ATR: variants seen among roughly 807,000 people sequenced by gnomAD.
ATR encodes serine/threonine-protein kinase ATR.
A neutral mutation model predicts 305.3 loss-of-function variants in ATR; 142 were observed. The observed-to-expected ratio is 0.47, with a 90% CI of 0.41 to 0.53. The LOEUF (loss-of-function observed/expected upper bound fraction) is 0.53, where lower values mean the gene tolerates loss of function less well. Ranked by LOEUF, ATR falls within the 20% of genes least tolerant of loss-of-function variation. The pLI, the probability that ATR is intolerant of heterozygous loss-of-function variation, is 0.00. For synonymous variants in ATR, 1,050 were observed against 1,068.1 expected (o/e 0.98, Z 0.33); for missense variants, 2,135 against 3,133.1 (o/e 0.68, Z 7.60).
At chr3:142,556,204 T>C (rs1340893158) in intron 9 of ATR, 65 bp from the exon 10 acceptor site, 1 of 1,576,262 alleles carries the variant, frequency 6.3e-7, no homozygotes, top group Non-Finnish European at 8.7e-7. Context: ...ATAGTCTTGC[T>C]TAATTTGGGA....
intron 3 of ATR, 150 bp downstream of exon 3, chr3:142,565,971 G>GA: frequency 1.0e-6 from 1 of 957,208 alleles, no homozygotes; most frequent in South Asian, 1.5e-5. Flanking sequence ...ATATGTGAAG[G>GA]AAAAATAACC....
chr3:142,524,100 G>C lies in ATR; in HGVS notation c.4045C>G (p.Gln1349Glu). The change falls in exon 22 of 47, where the codon CAA becomes GAA. Residue 1349 changes from glutamine to glutamate, a missense_variant. Gln to Glu is a conservative substitution (Grantham distance 29). This residue lies in a region of ATR where 530 missense variants were observed against 766.8 expected (regional missense o/e 0.69). Transcript: ENST00000350721. ...CATTCCCCACAGAGCAACCGAGCTT[G>C]AGAGTTTGCATCTTGGCAACCTTTC... is the stretch of plus-strand genomic sequence containing the variant. ...LLKGCQDANS[Q>E]ARLLCGECLG... is the part of the protein sequence containing the mutation. The C allele has an allele frequency of 6.2e-7, 1 of 1,614,084 alleles. No homozygotes were observed. Among genetic ancestry groups the C allele is most frequent in the Non-Finnish European group, 8.5e-7 (1 of 1,179,974 alleles).
intron 36 of ATR, among the ~76,000 whole-genome samples, chr3:142,481,968 G>A (rs1030588690): frequency 2.6e-5 from 4 of 151,772 alleles, no homozygotes; most frequent in African/African-American, 9.7e-5. Context: ...GACCACAGGT[G>A]TGCACCACCA....
chr3:142,470,435 T>C (rs1282502500), intron 36 of ATR, among the ~76,000 whole-genome samples: 1 of 152,136 alleles, frequency 6.6e-6, no homozygotes, highest in East Asian at 1.9e-4. Flanking sequence ...TTATACAAAT[T>C]CTGCTCTAAT....
intron 35 of ATR, among the ~76,000 whole-genome samples, chr3:142,491,205 T>A (rs2031257267): frequency 6.6e-6 from 1 of 152,212 alleles, no homozygotes; most frequent in Non-Finnish European, 1.5e-5. Flanking sequence ...TTGCTTATTC[T>A]GGCCATTTCA....
At chr3:142,467,649 C>G (rs1375932650) in intron 39 of ATR, among the ~76,000 whole-genome samples, 1 of 152,000 alleles carries the variant, frequency 6.6e-6, no homozygotes, top group Non-Finnish European at 1.5e-5. Flanking sequence ...TTCATATTCT[C>G]TACTAAAAAT....
intron 27 of ATR, among the ~76,000 whole-genome samples, chr3:142,509,545 ATTTTTTTTTTTTTT>A (rs71629538): frequency 1.4e-5 from 1 of 73,794 alleles, no homozygotes; most frequent in Non-Finnish European, 2.5e-5. Context: ...TCAAATTCTG[ATTTTTTTTTTTTTT>A]TTTTTTTTTT....
At chr3:142,562,199 C>A (rs2034907589) in intron 4 of ATR, 33 bp downstream of exon 4, 1 of 1,609,924 alleles carries the variant, frequency 6.2e-7, no homozygotes, top group African/African-American at 1.3e-5. Context: ...GAACAAAATA[C>A]ATACTTAACT....
intron 29 of ATR, among the ~76,000 whole-genome samples, chr3:142,504,359 T>C (rs569966899): frequency 6.6e-6 from 1 of 152,304 alleles, no homozygotes; most frequent in Admixed American, 6.5e-5. Flanking sequence ...TAAAATTATA[T>C]ACATTTTAGA....
At position 142,470,090 on chromosome 3, in the gene ATR, T is replaced by C. The variant is rs2071224599; in HGVS notation, c.6315A>G (p.Glu2105=). The change falls in exon 37 of 47, where the codon GAA becomes GAG. Residue 2105 remains glutamate, a synonymous_variant. Transcript: ENST00000350721. The part of the protein sequence containing the change: ...LDYGTKAYEW[E]KAGRSDRVQM... ...CTTTTACGTGAAGAGTTATACCTTT[T>C]TCCCATTCATATGCCTTTGTACCAT... 2 of 1,602,078 alleles carry C rather than the reference T, an allele frequency of 1.2e-6. No homozygotes were observed. The highest frequency in any genetic ancestry group is 1.7e-6 in the Non-Finnish European group (2 of 1,170,456).
intron 42 of ATR, 86 bp downstream of exon 42, chr3:142,461,854 T>C: frequency 2.1e-6 from 3 of 1,412,258 alleles, no homozygotes; most frequent in Non-Finnish European, 3.0e-6. Flanking sequence ...TCAAAAAACA[T>C]ATGCTAGCAT....
chr3:142,500,824 ACAC>A (rs1272244623), intron 30 of ATR, among the ~76,000 whole-genome samples: 7 of 152,208 alleles, frequency 4.6e-5, no homozygotes, highest in African/African-American at 1.7e-4. Context: ...TTACCATCAG[ACAC>A]CAAAATATAA....
At chr3:142,496,260 G>A (rs2031587118) in intron 34 of ATR, 101 bp downstream of exon 34, 1 of 251,350 alleles carries the variant, frequency 4.0e-6, no homozygotes, top group Admixed American at 8.1e-5. Flanking sequence ...GCCTTTTAAG[G>A]AAGTACATAA....
chr3:142,451,450 T>C (rs1180452134), intron 46 of ATR: 30 of 1,496,732 alleles, frequency 2.0e-5, no homozygotes, highest in Admixed American at 1.8e-5. Flanking sequence ...CAAGTAAAAA[T>C]AGGAGACTTT....
intron 35 of ATR, among the ~76,000 whole-genome samples, chr3:142,487,587 C>T (rs999718816): frequency 6.6e-6 from 1 of 152,132 alleles, no homozygotes; most frequent in Non-Finnish European, 1.5e-5. Context: ...TAACTGATTG[C>T]CATTTGGATT....
chr3:142,573,675 A>G (rs1300295640), intron 1 of ATR, among the ~76,000 whole-genome samples: 1 of 152,184 alleles, frequency 6.6e-6, no homozygotes, highest in African/African-American at 2.4e-5. Flanking sequence ...GGAAAAAAAC[A>G]ATTGATCCTA....
rs567064688 is a variant in ATR, at chr3:142,523,032, T to C, written c.4153-191A>G. ...ATAATCTGTAGCTAAAAAGCCAAAA[T>C]GTAAAGCTTTTTAGGCTATTTCTAA... On this transcript the variant is annotated intron_variant, in intron 22 of 46. Transcript: ENST00000350721. Among the ~76,000 whole-genome samples, 5 of 152,288 alleles carry C rather than the reference T, an allele frequency of 3.3e-5. No homozygotes were observed. In the South Asian group the frequency reaches 1.0e-3, roughly 32 times the overall value.
intron 27 of ATR, among the ~76,000 whole-genome samples, chr3:142,511,170 G>A (rs904474373): frequency 6.6e-6 from 1 of 151,896 alleles, no homozygotes; most frequent in Non-Finnish European, 1.5e-5. Flanking sequence ...TATTTTCCAA[G>A]TGAAGAATGA....
At chr3:142,528,876 TA>T (rs1313851359) in intron 21 of ATR, among the ~76,000 whole-genome samples, 161 of 70,314 alleles carry the variant, frequency 2.3e-3, no homozygotes, top group African/African-American at 3.8e-3. Flanking sequence ...TATATATATA[TA>T]TATTTTTTTT....
Sources: allele counts gnomAD v4.1 joint callset (sites outside exome capture counted in the v4.1 genomes callset), GRCh38; gene constraint gnomAD v4.1.1; regional missense constraint gnomAD v4.1.1; transcripts MANE v1.5; gene names NCBI Gene and HGNC (gene_info 2026-07-23, HGNC 2026-07-21).